The following TBC1D19 variants were observed in gnomAD, a reference collection of about 807,000 sequenced individuals.
TBC1D19 encodes the protein TBC1 domain family member 19, also known as TBC1 domain family, member 19.
TBC1D19 carries 60 observed loss-of-function variants against 89.0 expected under a neutral mutation model. The ratio of observed to expected loss-of-function variants is 0.67; its 90% CI spans 0.55 to 0.84. TBC1D19 has a LOEUF of 0.84. TBC1D19 is among the 40% of genes least tolerant of loss of function. TBC1D19 has a pLI of 0.00. For synonymous variants in TBC1D19, 189 were observed against 199.7 expected (o/e 0.95, Z 0.45); for missense variants, 500 against 610.8 (o/e 0.82, Z 1.91).
In TBC1D19 at chr4:26,623,363, A is replaced by G. The variant is rs374464199; in HGVS notation, c.294+2675A>G. On this transcript the variant is annotated intron_variant, in intron 4 of 20. Coordinates refer to ENST00000264866, the MANE Select transcript of TBC1D19 (RefSeq NM_018317.4). ...CAGTGGATTCTTTTTGCTGTCTGCCAATATTATATTTGTTATTCATTGTCT... is the reference window on the plus strand; with the variant it reads ...CAGTGGATTCTTTTTGCTGTCTGCCGATATTATATTTGTTATTCATTGTCT... Among the ~76,000 whole-genome samples the G allele has an allele frequency of 3.0e-4, 45 of 152,246 alleles. No individual in the cohort carries two copies. The East Asian group carries it at 7.5e-3, about 25-fold the overall frequency.
chr4:26,590,864 T>C (rs1247968715), intron 1 of TBC1D19, among the ~76,000 whole-genome samples: 2 of 135,784 alleles, frequency 1.5e-5, no homozygotes, highest in African/African-American at 5.6e-5. Flanking sequence ...CTCGCTAGGC[T>C]GGTCTCAAGC....
At chr4:26,641,959 ATACCTGAAAGT>A (rs1396269269) in intron 7 of TBC1D19, among the ~76,000 whole-genome samples, 1 of 152,232 alleles carries the variant, frequency 6.6e-6, no homozygotes, top group Non-Finnish European at 1.5e-5. Context: ...TTTGATTGGT[ATACCTGAAAGT>A]GACAAGGAGA....
At chr4:26,817,014 C>T in the TBC1D19 span, among the ~76,000 whole-genome samples, 2 of 152,210 alleles carry the variant, frequency 1.3e-5, no homozygotes, top group African/African-American at 2.4e-5. Context: ...GGGTCCCTCA[C>T]TATGCTACTT....
intron 7 of TBC1D19, among the ~76,000 whole-genome samples, chr4:26,652,106 T>C (rs1744433429): frequency 6.6e-6 from 1 of 152,138 alleles, no homozygotes; most frequent in Admixed American, 6.5e-5. Context: ...GCTGCTGGAT[T>C]CGGTTTGCCA....
At chr4:26,830,704 G>A in the TBC1D19 span, among the ~76,000 whole-genome samples, 90 of 152,254 alleles carry the variant, frequency 5.9e-4, no homozygotes, top group Non-Finnish European at 8.4e-4. Context: ...TTAAGGCTTC[G>A]TGTTTTATAA....
At chr4:26,577,715 G>A (rs1441802147) in intron 1 of TBC1D19, among the ~76,000 whole-genome samples, 2 of 152,156 alleles carry the variant, frequency 1.3e-5, no homozygotes, top group Non-Finnish European at 2.9e-5. Flanking sequence ...TAACAAGAAG[G>A]GAATGGCTGT....
At chr4:26,820,947 A>G in the TBC1D19 span, among the ~76,000 whole-genome samples, 2 of 152,240 alleles carry the variant, frequency 1.3e-5, no homozygotes, top group South Asian at 4.1e-4. Context: ...CACCTGGAAT[A>G]CAGTGGGCAT....
chr4:26,700,396 T>C (rs547860775), intron 13 of TBC1D19, among the ~76,000 whole-genome samples: 1 of 152,334 alleles, frequency 6.6e-6, no homozygotes, highest in Admixed American at 6.5e-5. Flanking sequence ...GCATTTTTTT[T>C]CTTTTATTTA....
At chr4:26,829,352 T>A in the TBC1D19 span, among the ~76,000 whole-genome samples, 1 of 152,178 alleles carries the variant, frequency 6.6e-6, no homozygotes, top group Non-Finnish European at 1.5e-5. Flanking sequence ...ACATTTCAGA[T>A]TTAGAAGGGA....
At chr4:26,827,289 C>T in the TBC1D19 span, among the ~76,000 whole-genome samples, 1 of 152,162 alleles carries the variant, frequency 6.6e-6, no homozygotes, top group African/African-American at 2.4e-5. Context: ...TCTTCATCAC[C>T]AAATCTATCC....
chr4:26,793,805 G>A, the TBC1D19 span, among the ~76,000 whole-genome samples: 1 of 151,322 alleles, frequency 6.6e-6, no homozygotes, highest in Non-Finnish European at 1.5e-5. Flanking sequence ...TTCATTCTCA[G>A]ACTGGTTCTA....
At chr4:26,589,724 C>T (rs954517737) in intron 1 of TBC1D19, among the ~76,000 whole-genome samples, 1 of 152,118 alleles carries the variant, frequency 6.6e-6, no homozygotes, top group East Asian at 1.9e-4. Context: ...TTCTTATTTT[C>T]CTATGAGGTT....
chr4:26,760,858 T>A (rs1719437364), downstream of TBC1D19, among the ~76,000 whole-genome samples: 1 of 152,218 alleles, frequency 6.6e-6, no homozygotes, highest in Non-Finnish European at 1.5e-5. Flanking sequence ...AAAGATTAAC[T>A]CATACATTTA....
chr4:26,850,560 A>AAAAAAAAAG, the TBC1D19 span, among the ~76,000 whole-genome samples: 1 of 148,590 alleles, frequency 6.7e-6, no homozygotes, highest in African/African-American at 2.5e-5. Context: ...AAAAAAAAAA[A>AAAAAAAAAG]AAGAAGAAGA....
At chr4:26,758,085 A>T (rs966298286), downstream of TBC1D19, among the ~76,000 whole-genome samples, 4 of 152,138 alleles carry the variant, frequency 2.6e-5, no homozygotes, top group Admixed American at 6.5e-5. Flanking sequence ...CCTTCCCCCA[A>T]AATTTTTCTC....
chr4:26,844,797 A>G, the TBC1D19 span, among the ~76,000 whole-genome samples: 1 of 152,176 alleles, frequency 6.6e-6, no homozygotes, highest in African/African-American at 2.4e-5. Flanking sequence ...TTTCTCCTTA[A>G]TAACCTATGA....
the TBC1D19 span, among the ~76,000 whole-genome samples, chr4:26,807,101 G>A: frequency 6.6e-6 from 1 of 152,148 alleles, no homozygotes; most frequent in Admixed American, 6.5e-5. Context: ...CCATGAAAAG[G>A]CAAGAGCTCT....
chr4:26,763,188 T>C, the TBC1D19 span, among the ~76,000 whole-genome samples: 1 of 152,164 alleles, frequency 6.6e-6, no homozygotes, highest in African/African-American at 2.4e-5. Flanking sequence ...AAAAATAAAA[T>C]TCTAAGACCT....
chr4:26,688,629 A>C (rs1714020029), intron 13 of TBC1D19, among the ~76,000 whole-genome samples: 2 of 152,210 alleles, frequency 1.3e-5, no homozygotes, highest in South Asian at 4.1e-4. Context: ...TATATGGTAC[A>C]TCAAGGAGGT....
Sources: gnomAD v4.1 joint callset for allele counts (sites outside exome capture counted in the v4.1 genomes callset) on GRCh38, gnomAD v4.1.1 for gene constraint, MANE v1.5 for transcripts, NCBI Gene and HGNC (gene_info 2026-07-23, HGNC 2026-07-21) for gene names.